Variants in CDH12 observed in about 807,000 individuals in gnomAD.
The protein encoded by CDH12 is cadherin-12.
Under a neutral mutation model 74.1 loss-of-function variants are expected in CDH12, and 41 were observed. The observed-to-expected ratio is 0.55, with a 90% CI of 0.43 to 0.72. The LOEUF (loss-of-function observed/expected upper bound fraction) is 0.72, where lower values mean the gene tolerates loss of function less well. Among genes scored for constraint, CDH12 ranks in the 30% least tolerant of loss-of-function variants. The pLI is 0.00. For synonymous variants in CDH12, 399 were observed against 355.0 expected, an observed-to-expected ratio of 1.12 and a Z score of -1.39; for missense variants, 945 against 977.2, an observed-to-expected ratio of 0.97 and a Z score of 0.44.
chr5:22,782,922 A>T (rs138272311), intron 1 of CDH12, among the ~76,000 whole-genome samples: 1 of 152,176 alleles, frequency 6.6e-6, no homozygotes, highest in African/African-American at 2.4e-5. Context: ...TTTACTTCTA[A>T]ATACTTCCTG....
At chr5:22,770,641 G>T (rs910806212) in intron 1 of CDH12, among the ~76,000 whole-genome samples, 3 of 152,064 alleles carry the variant, frequency 2.0e-5, no homozygotes, top group African/African-American at 7.2e-5. Context: ...CCTATGAGGT[G>T]CAATTAATAA....
intron 1 of CDH12, among the ~76,000 whole-genome samples, chr5:22,575,304 C>A (rs903759126): frequency 6.6e-6 from 1 of 152,164 alleles, no homozygotes; most frequent in Non-Finnish European, 1.5e-5. Flanking sequence ...TCATTTTCAA[C>A]CACTTTTCCA....
intron 1 of CDH12, among the ~76,000 whole-genome samples, chr5:22,730,041 T>C (rs934575013): frequency 2.6e-5 from 4 of 151,864 alleles, no homozygotes; most frequent in African/African-American, 9.7e-5. Flanking sequence ...TACAAAAAAC[T>C]ACAATTAAAC....
At chr5:22,029,213 A>G (rs948425207) in intron 5 of CDH12, among the ~76,000 whole-genome samples, 4 of 152,126 alleles carry the variant, frequency 2.6e-5, no homozygotes, top group Non-Finnish European at 5.9e-5. Context: ...CAAGGACTTC[A>G]TGTCTAAAAC....
At chr5:22,086,015 C>A (rs2150232753) in intron 4 of CDH12, among the ~76,000 whole-genome samples, 1 of 152,292 alleles carries the variant, frequency 6.6e-6, no homozygotes, top group South Asian at 2.1e-4. Context: ...TGGGAATGAG[C>A]ATACATCCCT....
At chr5:22,553,744 G>C (rs1015967885) in intron 1 of CDH12, among the ~76,000 whole-genome samples, 3 of 152,058 alleles carry the variant, frequency 2.0e-5, no homozygotes, top group Non-Finnish European at 2.9e-5. Context: ...TGACACCAGG[G>C]ACCAGTTTCA....
intron 4 of CDH12, among the ~76,000 whole-genome samples, chr5:22,134,240 C>A (rs546868120): frequency 6.6e-6 from 1 of 150,986 alleles, no homozygotes; most frequent in South Asian, 2.1e-4. Context: ...TCTACATGCA[C>A]TGATTTGGAA....
intron 5 of CDH12, among the ~76,000 whole-genome samples, chr5:22,048,481 C>A (rs1380888508): frequency 6.6e-6 from 1 of 151,978 alleles, no homozygotes; most frequent in African/African-American, 2.4e-5. Context: ...CTAAAATGTG[C>A]AAGTACAGGT....
chr5:22,336,266 G>A (rs1739576603), intron 3 of CDH12, among the ~76,000 whole-genome samples: 1 of 152,136 alleles, frequency 6.6e-6, no homozygotes, highest in African/African-American at 2.4e-5. Context: ...GAGTATAAAA[G>A]TTCAGAAAAT....
intron 1 of CDH12, among the ~76,000 whole-genome samples, chr5:22,685,093 A>C (rs1051822662): frequency 6.6e-6 from 1 of 152,120 alleles, no homozygotes; most frequent in Non-Finnish European, 1.5e-5. Context: ...ATAGCCCATC[A>C]GTTTTTGTTT....
intron 1 of CDH12, among the ~76,000 whole-genome samples, chr5:22,728,618 A>G (rs769579198): frequency 4.0e-5 from 6 of 151,852 alleles, no homozygotes; most frequent in Non-Finnish European, 7.4e-5. Flanking sequence ...TTATTTGAGA[A>G]CTGCAGGATT....
At chr5:22,787,794 C>T (rs1205015422) in intron 1 of CDH12, among the ~76,000 whole-genome samples, 1 of 152,126 alleles carries the variant, frequency 6.6e-6, no homozygotes, top group Non-Finnish European at 1.5e-5. Flanking sequence ...TCCTCACTCG[C>T]TGGTTTCCAG....
At chr5:22,196,930 G>C (rs948286720) in intron 4 of CDH12, among the ~76,000 whole-genome samples, 1 of 152,092 alleles carries the variant, frequency 6.6e-6, no homozygotes, top group Non-Finnish European at 1.5e-5. Flanking sequence ...AGACAAAAAA[G>C]TAGATCATGA....
chr5:22,371,432 T>C (rs1741285243), intron 3 of CDH12, among the ~76,000 whole-genome samples: 2 of 152,174 alleles, frequency 1.3e-5, no homozygotes, highest in Non-Finnish European at 2.9e-5. Context: ...AAGAATTCTA[T>C]TTTTAAATTT....
Position 21,909,069 on chromosome 5 carries a change from TAAAGA to T in CDH12, c.527-54284_527-54280del, listed in dbSNP as rs574001731. Among the ~76,000 whole-genome samples the T allele has an allele frequency of 2.6e-4, 40 of 152,288 alleles. No homozygotes were observed. The South Asian group carries it at 7.9e-3, about 30-fold the overall frequency. ...TAACAAATAAACCAAACAAAAACATTAAAGAAAAGTTCCTCTTCCATTGTTTAATA... is the reference window on the plus strand; with the variant it reads ...TAACAAATAAACCAAACAAAAACATTAAAGTTCCTCTTCCATTGTTTAATA... On this transcript the variant is annotated intron_variant, in intron 6 of 14. Transcript: ENST00000382254.
intron 1 of CDH12, among the ~76,000 whole-genome samples, chr5:22,562,616 GA>G (rs35775902): frequency 6.6e-6 from 1 of 150,562 alleles, no homozygotes; most frequent in African/African-American, 2.4e-5. Flanking sequence ...ATAAGAGGCA[GA>G]AAAAAAGAAA....
intron 6 of CDH12, among the ~76,000 whole-genome samples, chr5:21,866,245 A>G (rs10036699): frequency 0.96 from 146,509 of 152,272 alleles, 70,703 homozygotes; most frequent in Non-Finnish European, 1. Flanking sequence ...CCAGTAGAGT[A>G]GGGCACTGCT....
chr5:21,915,693 G>T (rs1579955919), intron 6 of CDH12, among the ~76,000 whole-genome samples: 1 of 152,218 alleles, frequency 6.6e-6, no homozygotes, highest in Non-Finnish European at 1.5e-5. Flanking sequence ...CCCCTTACTT[G>T]GGATGGGGAA....
intron 1 of CDH12, among the ~76,000 whole-genome samples, chr5:22,820,906 C>A (rs1158622282): frequency 1.3e-5 from 2 of 152,126 alleles, no homozygotes; most frequent in Admixed American, 1.3e-4. Context: ...CATCCTGATA[C>A]CAAAGCCTGG....
Sources: allele counts gnomAD v4.1 joint callset (sites outside exome capture counted in the v4.1 genomes callset), GRCh38; gene constraint gnomAD v4.1.1; transcripts MANE v1.5; gene names NCBI Gene and HGNC (gene_info 2026-07-23, HGNC 2026-07-21).